The following ACOXL variants were observed in gnomAD, a reference collection of about 807,000 sequenced individuals.
The protein encoded by ACOXL is acyl-CoA oxidase like, also known as acyl-coenzyme A oxidase-like protein.
ACOXL carries 70 observed loss-of-function variants against 71.9 expected under a neutral mutation model. The observed-to-expected ratio is 0.97, with a 90% confidence interval of 0.80 to 1.19. ACOXL has a LOEUF of 1.19. ACOXL is among the 50% of genes most tolerant of loss of function. The probability of loss-of-function intolerance (pLI) is 0.00; values close to 1 mark genes in which losing one functional copy is unlikely to be tolerated. For missense variants in ACOXL, 703 were observed against 736.3 expected, an observed-to-expected ratio of 0.95 and a Z score of 0.52; for synonymous variants, 253 against 281.6, an observed-to-expected ratio of 0.90 and a Z score of 1.02.
intron 10 of ACOXL, among the ~76,000 whole-genome samples, chr2:110,871,693 C>T (rs916550500): frequency 5.9e-5 from 9 of 152,114 alleles, no homozygotes; most frequent in East Asian, 1.9e-4. Context: ...TCTGCCTCCC[C>T]GGGAACCAGG....
At chr2:111,102,581 G>A (rs533039853) in intron 17 of ACOXL, among the ~76,000 whole-genome samples, 2 of 152,114 alleles carry the variant, frequency 1.3e-5, no homozygotes, top group Admixed American at 1.3e-4. Context: ...TCATACCCTC[G>A]GTCCAGGATG....
chr2:110,770,080 C>T (rs1017343625), intron 2 of ACOXL, among the ~76,000 whole-genome samples: 1 of 152,054 alleles, frequency 6.6e-6, no homozygotes, highest in Admixed American at 6.5e-5. Context: ...CCCAACACCA[C>T]CCGCCCTCTG....
intron 14 of ACOXL, among the ~76,000 whole-genome samples, chr2:111,001,315 G>A (rs113767315): frequency 1.3e-5 from 2 of 152,290 alleles, no homozygotes; most frequent in African/African-American, 4.8e-5. Context: ...CTTTTGGCTT[G>A]TGCTGAAAGG....
chr2:110,993,308 G>A (rs1427093084), intron 13 of ACOXL, among the ~76,000 whole-genome samples: 3 of 152,092 alleles, frequency 2.0e-5, no homozygotes, highest in Non-Finnish European at 2.9e-5. Context: ...ATCTCACTAC[G>A]CAGATACAGC....
At chr2:111,016,357 G>T (rs1284890020) in intron 14 of ACOXL, among the ~76,000 whole-genome samples, 1 of 152,152 alleles carries the variant, frequency 6.6e-6, no homozygotes, top group Non-Finnish European at 1.5e-5. Flanking sequence ...GTGATTCCAT[G>T]GGCATATGTG....
intron 12 of ACOXL, among the ~76,000 whole-genome samples, chr2:110,986,454 C>G (rs1005012076): frequency 6.6e-6 from 1 of 152,200 alleles, no homozygotes; most frequent in Non-Finnish European, 1.5e-5. Context: ...TGCTGGTCTT[C>G]CCTGGGCTCA....
intron 13 of ACOXL, among the ~76,000 whole-genome samples, chr2:110,990,325 A>G (rs1234873953): frequency 6.6e-6 from 1 of 152,130 alleles, no homozygotes; most frequent in African/African-American, 2.4e-5. Context: ...TTTTTAAATT[A>G]TGATTTTTGT....
At chr2:110,933,410 C>G in intron 11 of ACOXL, 79 bp from the exon 12 acceptor site, 1 of 1,497,616 alleles carries the variant, frequency 6.7e-7, no homozygotes, top group Non-Finnish European at 9.1e-7. Flanking sequence ...AGCGTTATAG[C>G]ACTTCACAGA....
At chr2:110,966,984 CACTGGGTACA>C (rs1333509907) in intron 12 of ACOXL, among the ~76,000 whole-genome samples, 6 of 152,304 alleles carry the variant, frequency 3.9e-5, no homozygotes, top group Non-Finnish European at 7.4e-5. Flanking sequence ...TATCTAAATA[CACTGGGTACA>C]ACAAAACATC....
In ACOXL at chr2:110,810,657, A is replaced by G. The variant is rs569290531; in HGVS notation, c.753+5262A>G. Among the ~76,000 whole-genome samples, 160 of 152,188 alleles carry G rather than the reference A, an allele frequency of 1.1e-3. 1 individual carries two copies. The highest frequency in any genetic ancestry group is 3.7e-3 in the African/African-American group (153 of 41,516). On this transcript the variant is annotated intron_variant, in intron 9 of 17. Coordinates refer to ENST00000439055, the MANE Select transcript of ACOXL (RefSeq NM_001142807.4). The stretch of plus-strand genomic sequence containing the variant: ...CCATCCATCATCCATCCATCCATCC[A>G]TCATCATTTATCCATCCAATAATCC...
At chr2:110,967,806 C>T (rs1433276533) in intron 12 of ACOXL, 14 of 822,676 alleles carry the variant, frequency 1.7e-5, no homozygotes, top group Non-Finnish European at 2.4e-5. Flanking sequence ...CTCTGTTGAG[C>T]CACGGATGTG....
intron 16 of ACOXL, among the ~76,000 whole-genome samples, chr2:111,064,527 C>T (rs1209049274): frequency 6.6e-6 from 1 of 151,032 alleles, no homozygotes; most frequent in African/African-American, 2.4e-5. Context: ...AAATTACTTA[C>T]TATATGTAAT....
intron 2 of ACOXL, among the ~76,000 whole-genome samples, chr2:110,777,665 G>T (rs749890142): frequency 8.5e-5 from 13 of 152,198 alleles, no homozygotes; most frequent in Non-Finnish European, 1.6e-4. Flanking sequence ...TGGGCCAGGG[G>T]CTAGAGTGCA....
At chr2:110,825,853 A>C (rs1345696007) in intron 9 of ACOXL, among the ~76,000 whole-genome samples, 2 of 152,184 alleles carry the variant, frequency 1.3e-5, no homozygotes, top group Non-Finnish European at 2.9e-5. Context: ...ATTTGGGAGT[A>C]GCATGGTTTC....
intron 10 of ACOXL, among the ~76,000 whole-genome samples, chr2:110,881,236 G>T (rs1696603254): frequency 6.6e-6 from 1 of 151,680 alleles, no homozygotes; most frequent in African/African-American, 2.4e-5. Context: ...TTGCTTCAGG[G>T]TTTTCTAGTG....
chr2:111,090,120 C>T (rs990794542), intron 16 of ACOXL, among the ~76,000 whole-genome samples: 2 of 152,132 alleles, frequency 1.3e-5, no homozygotes, highest in African/African-American at 2.4e-5. Flanking sequence ...GAAGTTGTAA[C>T]ATCAATAGCT....
chr2:111,083,258 A>AAG (rs1233218982), intron 16 of ACOXL, among the ~76,000 whole-genome samples: 48 of 152,294 alleles, frequency 3.2e-4, no homozygotes, highest in Non-Finnish European at 6.0e-4. Flanking sequence ...TTCATGTGTA[A>AAG]AAAGGGGGCT....
chr2:110,963,525 A>T, intron 12 of ACOXL: 1 of 1,382,994 alleles, frequency 7.2e-7, no homozygotes, highest in Non-Finnish European at 9.4e-7. Flanking sequence ...ATTTTAAAGA[A>T]AATGTGAGTC....
chr2:110,884,034 C>A (rs1450916515), intron 10 of ACOXL, among the ~76,000 whole-genome samples: 1 of 152,114 alleles, frequency 6.6e-6, no homozygotes, highest in African/African-American at 2.4e-5. Context: ...AAAATTTTAC[C>A]TCTACCATCT....
Sources: allele counts gnomAD v4.1 joint callset (sites outside exome capture counted in the v4.1 genomes callset), GRCh38; gene constraint gnomAD v4.1.1; transcripts MANE v1.5; gene names NCBI Gene and HGNC (gene_info 2026-07-23, HGNC 2026-07-21).